NLGN1: variants seen among roughly 807,000 people sequenced by gnomAD.
The protein encoded by NLGN1 is neuroligin 1.
A neutral mutation model predicts 65.5 loss-of-function variants in NLGN1; 12 were observed. The observed-to-expected ratio is 0.18, with a 90% confidence interval of 0.12 to 0.30. The LOEUF (loss-of-function observed/expected upper bound fraction) is 0.30, where lower values mean the gene tolerates loss of function less well. Among genes scored for constraint, NLGN1 ranks in the 10% least tolerant of loss-of-function variants. NLGN1 has a pLI of 1.00. For synonymous variants in NLGN1, 350 were observed against 359.5 expected (o/e 0.97, Z 0.30); for missense variants, 750 against 1,007.1 (o/e 0.74, Z 3.46).
chr3:174,122,610 G>T (rs541225490), intron 4 of NLGN1, among the ~76,000 whole-genome samples: 1 of 152,026 alleles, frequency 6.6e-6, no homozygotes, highest in African/African-American at 2.4e-5. Context: ...TGCAGTTGAC[G>T]CAGCCTCATG....
rs536177700 is a variant in NLGN1, at chr3:173,885,285, A to G, written c.646+77453A>G. ...TGCACAGTTTAGAACATATTCATAT[A>G]CAGTGTGCTGTTATTTTTTTCAAAC... On this transcript the variant is annotated intron_variant, in intron 4 of 6. Coordinates refer to ENST00000457714, the Ensembl canonical transcript of NLGN1. 5.5e-4 allele frequency among the ~76,000 whole-genome samples: 83 copies of G among 152,244 alleles called. 1 individual carries two copies. In the South Asian group the frequency reaches 0.017, roughly 30 times the overall value.
At chr3:174,059,647 A>G (rs1736959268) in intron 4 of NLGN1, among the ~76,000 whole-genome samples, 1 of 152,152 alleles carries the variant, frequency 6.6e-6, no homozygotes, top group African/African-American at 2.4e-5. Context: ...GAATCAAGTA[A>G]TATGTCTTAT....
In NLGN1 at chr3:174,134,056, C is replaced by T. The variant is rs1398661152; in HGVS notation, c.647-141259C>T. 2.0e-5 allele frequency among the ~76,000 whole-genome samples: 3 copies of T among 152,202 alleles called. No homozygotes were observed. In the East Asian group the frequency reaches 5.8e-4, roughly 29 times the overall value. The stretch of plus-strand genomic sequence containing the variant: ...TAATAAGTTCATAGGCAAGGTCTTC[C>T]TCCTCCTCAGCTTTAATCTTGAAGG... On this transcript the variant is annotated intron_variant, in intron 4 of 6. Coordinates refer to ENST00000457714, the Ensembl canonical transcript of NLGN1.
upstream of NLGN1, among the ~76,000 whole-genome samples, chr3:173,397,465 C>T (rs572095493): frequency 3.9e-5 from 6 of 152,242 alleles, no homozygotes; most frequent in Admixed American, 1.3e-4. Context: ...CTCCGCGCGG[C>T]ATCTCCAGCC....
At chr3:174,078,125 C>G (rs1405082090) in intron 4 of NLGN1, among the ~76,000 whole-genome samples, 1 of 151,856 alleles carries the variant, frequency 6.6e-6, no homozygotes, top group Non-Finnish European at 1.5e-5. Flanking sequence ...TATGATGTCT[C>G]TATTATATTT....
At chr3:174,064,660 G>T (rs1430756720) in intron 4 of NLGN1, among the ~76,000 whole-genome samples, 1 of 150,416 alleles carries the variant, frequency 6.6e-6, no homozygotes, top group African/African-American at 2.4e-5. Flanking sequence ...ATATATATAT[G>T]TATGTATAAA....
At chr3:173,959,994 T>A (rs1713141787) in intron 4 of NLGN1, among the ~76,000 whole-genome samples, 2 of 152,126 alleles carry the variant, frequency 1.3e-5, no homozygotes, top group African/African-American at 4.8e-5. Flanking sequence ...ATACTGAGAT[T>A]TGTATATCAG....
chr3:173,444,415 A>C (rs1279794585), intron 2 of NLGN1, among the ~76,000 whole-genome samples: 1 of 152,206 alleles, frequency 6.6e-6, no homozygotes, highest in African/African-American at 2.4e-5. Flanking sequence ...GTGTGATTTC[A>C]TGCAGGTCTG....
At chr3:173,914,622 C>T (rs142157997) in intron 4 of NLGN1, among the ~76,000 whole-genome samples, 419 of 152,066 alleles carry the variant, frequency 2.8e-3, no homozygotes, top group Non-Finnish European at 4.0e-3. Context: ...GTAGAGAATT[C>T]GTAGAGTATG....
At chr3:174,098,147 G>C (rs1370460098) in intron 4 of NLGN1, among the ~76,000 whole-genome samples, 2 of 152,302 alleles carry the variant, frequency 1.3e-5, no homozygotes, top group African/African-American at 2.4e-5. Flanking sequence ...TTACTAATTT[G>C]TTGCTACTTG....
chr3:174,168,722 G>A (rs912368675), intron 4 of NLGN1, among the ~76,000 whole-genome samples: 2 of 150,850 alleles, frequency 1.3e-5, no homozygotes, highest in African/African-American at 4.8e-5. Flanking sequence ...AGCCCTAGGT[G>A]GTGTGGGCAG....
At chr3:173,812,502 A>T (rs1019638271) in intron 4 of NLGN1, among the ~76,000 whole-genome samples, 1 of 151,970 alleles carries the variant, frequency 6.6e-6, no homozygotes, top group African/African-American at 2.4e-5. Context: ...CTGAGGCAAT[A>T]GGATCACTTG....
At chr3:173,997,747 G>A (rs574187212) in intron 4 of NLGN1, among the ~76,000 whole-genome samples, 16 of 152,102 alleles carry the variant, frequency 1.1e-4, no homozygotes, top group South Asian at 1.0e-3. Flanking sequence ...CAAAACTACC[G>A]CAGAGCTCAA....
rs140461562 is a variant in NLGN1, at chr3:173,669,404, A to G, written c.493+64313A>G. Among the ~76,000 whole-genome samples the G allele has an allele frequency of 4.3e-4, 66 of 152,324 alleles. No homozygotes were observed. In the East Asian group the frequency reaches 8.7e-3, roughly 20 times the overall value. ...CCATGCTCCCTTTGAATGCACTAAG[A>G]AAAGATCTGTTCCCGTCTCTCCGCT... On this transcript the variant is annotated intron_variant, in intron 3 of 6. Transcript: ENST00000457714.
intron 3 of NLGN1, among the ~76,000 whole-genome samples, chr3:173,776,993 A>G (rs1203874848): frequency 6.6e-6 from 1 of 151,962 alleles, no homozygotes; most frequent in African/African-American, 2.4e-5. Context: ...TGGAATAACT[A>G]TATAACTTGG....
chr3:173,781,144 C>CAAA lies in NLGN1; in HGVS notation c.494-26526_494-26524dup, dbSNP rs769716428. ...TGGGCTACAGAGCGAGACTCCGTCT[C>CAAA]AAAAAAAAAAAAGTAAATATTGAAG... On this transcript the variant is annotated intron_variant, in intron 3 of 6. Coordinates refer to ENST00000457714, the Ensembl canonical transcript of NLGN1. Among the ~76,000 whole-genome samples, 390 of 80,394 alleles carry CAAA rather than the reference C, an allele frequency of 4.9e-3. 20 individuals carry two copies. The highest frequency in any genetic ancestry group is 0.021 in the African/African-American group (374 of 18,054). 52.7% of individuals were successfully genotyped at this position (80,394 alleles called of 152,430 possible).
chr3:173,454,536 C>T (rs1722194691), intron 2 of NLGN1, among the ~76,000 whole-genome samples: 1 of 152,198 alleles, frequency 6.6e-6, no homozygotes, highest in South Asian at 2.1e-4. Flanking sequence ...GTGGCAGCTT[C>T]TATGTCAGCA....
At chr3:173,966,955 G>A (rs776280039) in intron 4 of NLGN1, among the ~76,000 whole-genome samples, 6 of 152,280 alleles carry the variant, frequency 3.9e-5, no homozygotes. Flanking sequence ...TAGTTGAATT[G>A]GAGACTAAAA....
intron 3 of NLGN1, among the ~76,000 whole-genome samples, chr3:173,712,674 C>T (rs184470837): frequency 2.0e-5 from 3 of 152,202 alleles, no homozygotes; most frequent in Non-Finnish European, 4.4e-5. Flanking sequence ...AGACATTATT[C>T]CTGTCATTAT....
Sources: allele counts gnomAD v4.1 joint callset (sites outside exome capture counted in the v4.1 genomes callset), GRCh38; gene constraint gnomAD v4.1.1; transcripts MANE v1.5; gene names NCBI Gene and HGNC (gene_info 2026-07-23, HGNC 2026-07-21).